The following RAP1A variants were observed in gnomAD, a reference collection of about 807,000 sequenced individuals.
The protein encoded by RAP1A is RAP1A, member of RAS oncogene family.
In RAP1A, 6 loss-of-function variants were observed where a neutral mutation model predicts 26.4. That is an observed-to-expected ratio of 0.23 (90% CI 0.12 to 0.45). The LOEUF (loss-of-function observed/expected upper bound fraction) is 0.45, where lower values mean the gene tolerates loss of function less well. Among genes scored for constraint, RAP1A ranks in the 20% least tolerant of loss-of-function variants. The pLI is 0.99. For missense variants in RAP1A, 121 were observed against 217.2 expected (o/e 0.56, Z 2.78); for synonymous variants, 73 against 79.4 (o/e 0.92, Z 0.43).
intron 1 of RAP1A, chr1:111,649,609 ATAT>A (rs1160379736): frequency 2.4e-5 from 5 of 212,706 alleles, no homozygotes; most frequent in African/African-American, 9.3e-5. Flanking sequence ...AGAATATTAG[ATAT>A]TATCATTGCC....
At chr1:111,669,026 G>GA (rs58557062) in intron 1 of RAP1A, among the ~76,000 whole-genome samples, 766 of 19,782 alleles carry the variant, frequency 0.039, 15 homozygotes, top group African/African-American at 0.098. Context: ...CCTATCTCAA[G>GA]AAAAAAAAAA....
intron 1 of RAP1A, among the ~76,000 whole-genome samples, chr1:111,684,642 C>G (rs1661411684): frequency 1.3e-5 from 2 of 152,096 alleles, no homozygotes; most frequent in African/African-American, 2.4e-5. Flanking sequence ...AGGACACAAA[C>G]AAATGGAAAA....
intron 1 of RAP1A, among the ~76,000 whole-genome samples, chr1:111,596,809 C>T (rs1049903044): frequency 5.9e-5 from 9 of 152,178 alleles, no homozygotes; most frequent in Admixed American, 1.3e-4. Flanking sequence ...CACTAATTCT[C>T]CTCTTAAGGG....
At chr1:111,688,326 T>TC (rs1419217553) in intron 1 of RAP1A, among the ~76,000 whole-genome samples, 2 of 147,686 alleles carry the variant, frequency 1.4e-5, no homozygotes, top group Non-Finnish European at 3.0e-5. Context: ...TTTCTTTCTT[T>TC]TTTTTTTTTT....
intron 1 of RAP1A, among the ~76,000 whole-genome samples, chr1:111,674,868 A>G (rs1661076543): frequency 6.6e-6 from 1 of 152,032 alleles, no homozygotes; most frequent in Non-Finnish European, 1.5e-5. Context: ...GTAGCTTCCT[A>G]GCTATTCTCC....
At chr1:111,595,294 G>C (rs912716731) in intron 1 of RAP1A, among the ~76,000 whole-genome samples, 2 of 152,146 alleles carry the variant, frequency 1.3e-5, no homozygotes, top group African/African-American at 4.8e-5. Flanking sequence ...GGAACCTATA[G>C]GACAATCAGA....
At position 111,619,824 on chromosome 1, in the gene RAP1A, C is replaced by G. The variant is rs1044865700; in HGVS notation, c.-138C>G. The G allele has an allele frequency of 2.5e-6, 1 of 399,062 alleles. No individual in the cohort carries two copies. The highest frequency in any genetic ancestry group is 4.4e-6 in the Non-Finnish European group (1 of 226,850). 24.7% of individuals were successfully genotyped at this position (399,062 alleles called of 1,614,324 possible). A position where few individuals can be genotyped will look rare whatever the true frequency, so the allele number is the denominator to read the frequency against. ...CCGAGGCCCCTGCCGCCGCCGCTCC[C>G]GCTGCTGTCGCCGCGCAGAGCCGGA... On this transcript the variant is annotated 5_prime_UTR_variant, in exon 1 of 8. Transcript: ENST00000369709.
At chr1:111,651,971 T>C (rs945521247) in intron 1 of RAP1A, among the ~76,000 whole-genome samples, 1 of 151,282 alleles carries the variant, frequency 6.6e-6, no homozygotes, top group Non-Finnish European at 1.5e-5. Context: ...TTAGTTCAAG[T>C]ATTTTTATTT....
At chr1:111,629,398 T>C (rs1331979618) in intron 1 of RAP1A, among the ~76,000 whole-genome samples, 2 of 152,178 alleles carry the variant, frequency 1.3e-5, no homozygotes, top group African/African-American at 4.8e-5. Flanking sequence ...CAGAGATTGA[T>C]ATTAATAGTA....
In RAP1A at chr1:111,713,073, A is replaced by G. The variant is rs951521858; in HGVS notation, c.*672A>G. 2 of 152,594 alleles carry G rather than the reference A, an allele frequency of 1.3e-5. No homozygotes were observed. The highest frequency in any genetic ancestry group is 2.4e-5 in the African/African-American group (1 of 41,454). 9.5% of individuals were successfully genotyped at this position (152,594 alleles called of 1,614,324 possible). ...CTTCTTGTGTTTTACTGTCAGATTA[A>G]ATTACAGCTTTTATGGATGATTAAA... On this transcript the variant is annotated 3_prime_UTR_variant, in exon 8 of 8. Coordinates refer to ENST00000369709, the MANE Select transcript of RAP1A (RefSeq NM_002884.4).
At position 111,561,994 on chromosome 1, in the gene RAP1A, G is replaced by T. The variant is rs552389382; in HGVS notation, c.-28+19485G>T. On this transcript the variant is annotated intron_variant, in intron 1 of 7. Transcript: ENST00000356415. ...CTAGTTTAAATTTCTGCTTACGATA[G>T]AATTCAAACCCTCCACACTCTGAAC... 5.3e-5 allele frequency among the ~76,000 whole-genome samples: 8 copies of T among 152,130 alleles called. No individual in the cohort carries two copies. The South Asian group carries it at 1.7e-3, about 32-fold the overall frequency.
intron 1 of RAP1A, among the ~76,000 whole-genome samples, chr1:111,549,274 G>T (rs1657157151): frequency 6.7e-6 from 1 of 149,866 alleles, no homozygotes; most frequent in Admixed American, 6.6e-5. Context: ...TTGAAAATTT[G>T]GCAGAATTTA....
At chr1:111,664,573 C>T (rs1359734700) in intron 1 of RAP1A, among the ~76,000 whole-genome samples, 1 of 152,050 alleles carries the variant, frequency 6.6e-6, no homozygotes, top group Non-Finnish European at 1.5e-5. Context: ...TGTCTACCTA[C>T]ACCCCCTTCC....
chr1:111,572,502 A>C (rs1436250328), intron 1 of RAP1A, among the ~76,000 whole-genome samples: 1 of 152,166 alleles, frequency 6.6e-6, no homozygotes, highest in Non-Finnish European at 1.5e-5. Flanking sequence ...TTCACTTCTC[A>C]TCTTTGGAGG....
chr1:111,662,170 C>G (rs1660658667), intron 1 of RAP1A, among the ~76,000 whole-genome samples: 1 of 151,788 alleles, frequency 6.6e-6, no homozygotes, highest in Non-Finnish European at 1.5e-5. Flanking sequence ...CCGAGGCGGG[C>G]AGATCATGAG....
intron 1 of RAP1A, among the ~76,000 whole-genome samples, chr1:111,679,094 G>A (rs1275213789): frequency 6.6e-6 from 1 of 152,154 alleles, no homozygotes; most frequent in African/African-American, 2.4e-5. Flanking sequence ...TGGGGGTTCC[G>A]GGTAAGATGG....
At chr1:111,703,592 AG>A (rs1308015387) in intron 5 of RAP1A, 116 bp downstream of exon 5, 2 of 1,030,718 alleles carry the variant, frequency 1.9e-6, no homozygotes, top group African/African-American at 3.3e-5. Context: ...TGCCTGAAAG[AG>A]CCCCTGTGAC....
At chr1:111,548,802 C>T (rs2101032795) in intron 1 of RAP1A, among the ~76,000 whole-genome samples, 2 of 152,342 alleles carry the variant, frequency 1.3e-5, no homozygotes, top group South Asian at 4.1e-4. Flanking sequence ...CCAGTGATTT[C>T]ACCATTCTCC....
intron 2 of RAP1A, among the ~76,000 whole-genome samples, chr1:111,693,600 A>C (rs1322127598): frequency 3.3e-5 from 5 of 152,192 alleles, no homozygotes; most frequent in Non-Finnish European, 7.4e-5. Flanking sequence ...TTTAGTAAGA[A>C]AGAAATGAGA....
Sources: allele counts gnomAD v4.1 joint callset (sites outside exome capture counted in the v4.1 genomes callset), GRCh38; gene constraint gnomAD v4.1.1; transcripts MANE v1.5; gene names NCBI Gene and HGNC (gene_info 2026-07-23, HGNC 2026-07-21).